The following TMEM230 variants were observed in gnomAD, a reference collection of about 807,000 sequenced individuals.
TMEM230 encodes the protein transmembrane protein 230, also known as UPF0414 transmembrane protein C20orf30.
A neutral mutation model predicts 15.8 loss-of-function variants in TMEM230; 10 were observed. The observed-to-expected ratio is 0.63, with a 90% confidence interval of 0.39 to 1.07. TMEM230 has a LOEUF of 1.07. Ranked by LOEUF, TMEM230 falls within the 50% of genes least tolerant of loss-of-function variation. The pLI is 0.01. For synonymous variants in TMEM230, 67 were observed against 76.9 expected (o/e 0.87, Z 0.68); for missense variants, 165 against 193.3 (o/e 0.85, Z 0.87).
At chr20:5,089,042 A>C (rs939844157) in intron 3 of TMEM230, among the ~76,000 whole-genome samples, 3 of 152,222 alleles carry the variant, frequency 2.0e-5, no homozygotes, top group Non-Finnish European at 4.4e-5. Context: ...TGATTGCTGT[A>C]AAATGTGAAA....
intron 3 of TMEM230, among the ~76,000 whole-genome samples, chr20:5,092,162 T>G (rs1304456631): frequency 6.6e-6 from 1 of 152,210 alleles, no homozygotes; most frequent in Non-Finnish European, 1.5e-5. Flanking sequence ...TTATTGCTGG[T>G]CTGATACGAT....
intron 3 of TMEM230, among the ~76,000 whole-genome samples, chr20:5,070,168 T>C (rs1568478045): frequency 6.6e-6 from 1 of 152,238 alleles, no homozygotes; most frequent in East Asian, 1.9e-4. Context: ...CCAGCCCCCA[T>C]GCTAAGTGGA....
At chr20:5,110,616 C>T (rs1009968119) in intron 2 of TMEM230, among the ~76,000 whole-genome samples, 1 of 152,158 alleles carries the variant, frequency 6.6e-6, no homozygotes, top group Non-Finnish European at 1.5e-5. Context: ...TATACTAGTG[C>T]CTCCAGAAGC....
intron 4 of TMEM230, among the ~76,000 whole-genome samples, chr20:5,104,842 T>TA (rs2090006622): frequency 6.6e-6 from 1 of 152,160 alleles, no homozygotes; most frequent in Non-Finnish European, 1.5e-5. Flanking sequence ...AACTCATGGA[T>TA]ATTGTAGAAT....
chr20:5,092,770 C>T (rs911277753), intron 3 of TMEM230, among the ~76,000 whole-genome samples: 3 of 151,162 alleles, frequency 2.0e-5, no homozygotes, highest in Non-Finnish European at 4.4e-5. Context: ...ATCACATGAT[C>T]ATCTCAATAG....
At chr20:5,085,779 C>A (rs772872439) in intron 3 of TMEM230, among the ~76,000 whole-genome samples, 1 of 152,080 alleles carries the variant, frequency 6.6e-6, no homozygotes, top group Non-Finnish European at 1.5e-5. Flanking sequence ...AGGGCTGGAC[C>A]CCCAGCTAGG....
chr20:5,068,468 A>G (rs1213705707), downstream of TMEM230: 3 of 152,334 alleles, frequency 2.0e-5, no homozygotes, highest in Non-Finnish European at 4.4e-5. Flanking sequence ...GGCAAAGGAG[A>G]AGCAGGCACC....
downstream of TMEM230, among the ~76,000 whole-genome samples, chr20:5,095,657 T>A (rs2089646187): frequency 6.6e-6 from 1 of 152,136 alleles, no homozygotes; most frequent in Non-Finnish European, 1.5e-5. Flanking sequence ...GGAGATGGAC[T>A]AGGAGGGAAA....
At position 5,107,533 on chromosome 20, in the gene TMEM230, T is replaced by C. The variant is rs8124482; in HGVS notation, c.289-1223A>G. On this transcript the variant is annotated intron_variant, in intron 3 of 4. Transcript: ENST00000342308. ...TCATTGTATCATAAGAAACTTTTCT[T>C]TAAAACAAAAACAGAAATGACTTTA... is the stretch of plus-strand genomic sequence containing the variant. Among the ~76,000 whole-genome samples, 571 of 152,324 alleles carry C rather than the reference T, an allele frequency of 3.7e-3. 5 individuals carry two copies. The highest frequency in any genetic ancestry group is 0.012 in the African/African-American group (510 of 41,584).
chr20:5,061,113 T>C, the TMEM230 span: 1 of 152,246 alleles, frequency 6.6e-6, no homozygotes, highest in East Asian at 1.9e-4. Context: ...ATCAAAAATA[T>C]GAAGACATTC....
Position 5,100,667 on chromosome 20 carries a change from T to C in TMEM230, c.*124A>G. 1 of 1,482,332 alleles carries C rather than the reference T, an allele frequency of 6.7e-7. No homozygotes were observed. Among genetic ancestry groups the C allele is most frequent in the Non-Finnish European group, 8.9e-7 (1 of 1,118,254 alleles). 91.8% of individuals were successfully genotyped at this position (1,482,332 alleles called of 1,614,324 possible). A position where few individuals can be genotyped will look rare whatever the true frequency, so the allele number is the denominator to read the frequency against. The stretch of plus-strand genomic sequence containing the variant: ...ATCTTTGGGAAGGACCCAAAAAATC[T>C]GGCCATTATTTTCTTAAACATCTGC... On this transcript the variant is annotated 3_prime_UTR_variant, in exon 5 of 5. Transcript: ENST00000342308.
chr20:5,075,120 C>T (rs2088948292), intron 3 of TMEM230, among the ~76,000 whole-genome samples: 1 of 150,614 alleles, frequency 6.6e-6, no homozygotes, highest in African/African-American at 2.4e-5. Flanking sequence ...GGCTGGAGTG[C>T]AATGGCACGA....
At chr20:5,111,087 C>T (rs1030554198) in intron 2 of TMEM230, 4 of 151,578 alleles carry the variant, frequency 2.6e-5, no homozygotes, top group Non-Finnish European at 5.9e-5. Flanking sequence ...AAGGCTGAGG[C>T]ACGAGAATAG....
chr20:5,100,093 C>T lies in TMEM230; in HGVS notation c.*698G>A, dbSNP rs1265962429. The stretch of plus-strand genomic sequence containing the variant: ...TTTCATTAGGAAACAGCCAAAAGTC[C>T]GGCCGTTAAAGGAATAATCTGCAGA... On this transcript the variant is annotated 3_prime_UTR_variant, in exon 5 of 5. Transcript: ENST00000342308. The T allele has an allele frequency of 5.1e-6, 5 of 985,280 alleles. No homozygotes were observed. The highest frequency in any genetic ancestry group is 4.8e-6 in the Non-Finnish European group (4 of 829,916). 61.0% of individuals were successfully genotyped at this position (985,280 alleles called of 1,614,324 possible).
chr20:5,100,992 C>T (rs1190730079), intron 4 of TMEM230, 61 bp from the exon 4 acceptor site: 6 of 1,592,484 alleles, frequency 3.8e-6, no homozygotes, highest in East Asian at 4.5e-5. Flanking sequence ...TAAAATAAAA[C>T]GTCACAGACC....
chr20:5,107,942 T>C (rs1011181583), intron 3 of TMEM230, among the ~76,000 whole-genome samples: 2 of 151,448 alleles, frequency 1.3e-5, no homozygotes, highest in Admixed American at 6.6e-5. Context: ...CGAAACCCCA[T>C]CTATACTAAA....
chr20:5,064,104 T>C (rs2088630446), downstream of TMEM230, among the ~76,000 whole-genome samples: 1 of 151,736 alleles, frequency 6.6e-6, no homozygotes, highest in South Asian at 2.1e-4. Context: ...CTGTCTCTAC[T>C]AAAAATACAA....
intron 3 of TMEM230, among the ~76,000 whole-genome samples, chr20:5,084,761 T>C (rs1370367763): frequency 6.6e-6 from 1 of 152,108 alleles, no homozygotes; most frequent in Admixed American, 6.5e-5. Context: ...CTCAAACTCC[T>C]GACCTCAGGT....
At chr20:5,097,785 C>T (rs1331453120), downstream of TMEM230, among the ~76,000 whole-genome samples, 1 of 151,696 alleles carries the variant, frequency 6.6e-6, no homozygotes, top group Non-Finnish European at 1.5e-5. Context: ...TAGGTGCCCG[C>T]CACCACACCC....
Sources: allele counts gnomAD v4.1 joint callset (sites outside exome capture counted in the v4.1 genomes callset), GRCh38; gene constraint gnomAD v4.1.1; transcripts MANE v1.5; gene names NCBI Gene and HGNC (gene_info 2026-07-23, HGNC 2026-07-21).